Variants in CASQ2 observed in about 807,000 individuals in gnomAD.
CASQ2 encodes the protein calsequestrin 2, also known as calsequestrin-2.
A neutral mutation model predicts 46.5 loss-of-function variants in CASQ2; 49 were observed. The ratio of observed to expected loss-of-function variants is 1.05; its 90% CI spans 0.84 to 1.34. The LOEUF is 1.34. CASQ2 is among the 40% of genes most tolerant of loss of function. The pLI is 0.00. For missense variants in CASQ2, 486 were observed against 481.3 expected (o/e 1.01, Z -0.09); for synonymous variants, 174 against 168.5 (o/e 1.03, Z -0.25).
intron 8 of CASQ2, among the ~76,000 whole-genome samples, chr1:115,715,091 T>G (rs2101066113): frequency 6.6e-6 from 1 of 152,372 alleles, no homozygotes; most frequent in South Asian, 2.1e-4. Flanking sequence ...CTCTGGAGTC[T>G]GGCCAGCAGG....
chr1:115,729,667 A>G (rs943487680), intron 5 of CASQ2, among the ~76,000 whole-genome samples: 3 of 152,218 alleles, frequency 2.0e-5, no homozygotes, highest in African/African-American at 7.2e-5. Context: ...ATGTATATGA[A>G]TTTTGATACA....
intron 8 of CASQ2, among the ~76,000 whole-genome samples, chr1:115,705,511 C>T (rs925913787): frequency 1.3e-5 from 2 of 152,198 alleles, no homozygotes; most frequent in African/African-American, 4.8e-5. Flanking sequence ...TAAAAGTTCA[C>T]AGAGAACTGG....
chr1:115,739,487 G>T (rs1648109124), intron 3 of CASQ2, among the ~76,000 whole-genome samples: 1 of 152,226 alleles, frequency 6.6e-6, no homozygotes, highest in South Asian at 2.1e-4. Context: ...TCCCCTGCCA[G>T]TTATTGATTC....
At position 115,723,305 on chromosome 1, in the gene CASQ2, T is replaced by TTATCTATTTATCTATCTATC. The variant is rs1647455354; in HGVS notation, c.783+2202_783+2203insGATAGATAGATAAATAGATA. On this transcript the variant is annotated intron_variant, in intron 7 of 10. Transcript: ENST00000261448. Reference sequence around the variant, plus strand: ...TCTATATCTCTCTATATCTATCTATTTATCTATCTATCTATCTATCTATCT... The same window carrying TTATCTATTTATCTATCTATC: ...TCTATATCTCTCTATATCTATCTATTTATCTATTTATCTATCTATCTATCTATCTATCTATCTATCTATCT... Among the ~76,000 whole-genome samples, 3 of 148,866 alleles carry TTATCTATTTATCTATCTATC rather than the reference T, an allele frequency of 2.0e-5. No individual in the cohort carries two copies. In the South Asian group the frequency reaches 6.5e-4, roughly 32 times the overall value.
rs779306896 is a variant in CASQ2, at chr1:115,768,561, T to A, written c.-20A>T. On this transcript the variant is annotated 5_prime_UTR_variant, in exon 1 of 11. Coordinates refer to ENST00000261448, the MANE Select transcript of CASQ2 (RefSeq NM_001232.4). ...CTTCATTTGGGAAAACTTTTGTTTC[T>A]CGTTCCCAAATATGCTGTGTGCAGA... The A allele has an allele frequency of 1.0e-5, 16 of 1,525,696 alleles. No homozygotes were observed. Among genetic ancestry groups the A allele is most frequent in the Non-Finnish European group, 1.4e-5 (15 of 1,100,738 alleles). The allele number at this position is 1,525,696 out of a possible 1,614,324, so 94.5% of individuals were successfully genotyped here.
intron 5 of CASQ2, among the ~76,000 whole-genome samples, chr1:115,730,176 T>TA (rs1270747510): frequency 6.6e-6 from 1 of 152,202 alleles, no homozygotes; most frequent in African/African-American, 2.4e-5. Flanking sequence ...GCCACAACCC[T>TA]AAAAAATTAA....
In CASQ2 at chr1:115,725,540, G is replaced by A. The variant is rs781113955; in HGVS notation, c.751C>T (p.Arg251Cys). Residue 251 changes from arginine to cysteine, a missense_variant, in exon 7 of 11, where the codon CGC (arginine) becomes TGC (cysteine). Transcript: ENST00000261448. The part of the protein sequence containing the change: ...VKEHQRPTLR[R>C]LRPEEMFETW... Reference sequence around the variant, plus strand: ...TCAAACATTTCTTCTGGGCGCAGGCGACGTAGAGTGGGTCTGGAAAAAAAA... The same window carrying A: ...TCAAACATTTCTTCTGGGCGCAGGCAACGTAGAGTGGGTCTGGAAAAAAAA... The A allele has an allele frequency of 9.4e-6, 15 of 1,593,698 alleles. No homozygotes were observed. The African/African-American group carries it at 1.0e-4, about 11-fold the overall frequency.
intron 1 of CASQ2, among the ~76,000 whole-genome samples, chr1:115,751,328 A>G (rs1648571113): frequency 1.3e-5 from 2 of 152,194 alleles, no homozygotes; most frequent in East Asian, 1.9e-4. Flanking sequence ...GACACGTGTC[A>G]GCTCCAAGGG....
chr1:115,742,937 G>A lies in CASQ2; in HGVS notation c.319+1891C>T, dbSNP rs983672046. ...CCGAGTAGTGGGACTACAGGCACCC[G>A]CCACCATGCCCGGCTAATTTGTTTG... is the stretch of plus-strand genomic sequence containing the variant. On this transcript the variant is annotated intron_variant, in intron 2 of 10. Transcript: ENST00000261448. 9.9e-5 allele frequency among the ~76,000 whole-genome samples: 15 copies of A among 152,046 alleles called. No homozygotes were observed. The East Asian group carries it at 1.2e-3, about 12-fold the overall frequency.
chr1:115,722,229 T>C (rs1647403564), intron 7 of CASQ2, among the ~76,000 whole-genome samples: 1 of 152,212 alleles, frequency 6.6e-6, no homozygotes, highest in South Asian at 2.1e-4. Flanking sequence ...TTTCTCTGCC[T>C]GGTTAAATTC....
intron 1 of CASQ2, among the ~76,000 whole-genome samples, chr1:115,750,993 G>A (rs1325742315): frequency 6.7e-6 from 1 of 149,818 alleles, no homozygotes; most frequent in African/African-American, 2.4e-5. Context: ...CAGTTGTTAA[G>A]TGCACAGGGC....
chr1:115,731,167 A>C (rs3010396), intron 5 of CASQ2, among the ~76,000 whole-genome samples: 1 of 151,984 alleles, frequency 6.6e-6, no homozygotes, highest in Non-Finnish European at 1.5e-5. Context: ...GTCCTACAGA[A>C]TTTGAATAAA....
intron 8 of CASQ2, among the ~76,000 whole-genome samples, chr1:115,708,134 G>T (rs551554253): frequency 6.6e-6 from 1 of 152,300 alleles, no homozygotes; most frequent in Non-Finnish European, 1.5e-5. Flanking sequence ...ACTGAACTGT[G>T]CAAGAAAAAT....
chr1:115,756,882 G>A (rs1353449371), intron 1 of CASQ2, among the ~76,000 whole-genome samples: 2 of 152,204 alleles, frequency 1.3e-5, no homozygotes, highest in African/African-American at 2.4e-5. Context: ...GGGAGGCAGA[G>A]GTTGCAGTGA....
intron 1 of CASQ2, among the ~76,000 whole-genome samples, chr1:115,760,754 T>C (rs1648909110): frequency 6.6e-6 from 1 of 152,228 alleles, no homozygotes; most frequent in African/African-American, 2.4e-5. Flanking sequence ...GGTTCTAATA[T>C]GTGGCCAAAG....
chr1:115,767,707 T>A (rs1388558689), intron 1 of CASQ2, among the ~76,000 whole-genome samples: 1 of 152,206 alleles, frequency 6.6e-6, no homozygotes, highest in Non-Finnish European at 1.5e-5. Flanking sequence ...ACTTCAGCTC[T>A]GCCCTAAAGT....
chr1:115,767,815 A>G (rs1427406352), intron 1 of CASQ2, among the ~76,000 whole-genome samples: 1 of 152,206 alleles, frequency 6.6e-6, no homozygotes, highest in Non-Finnish European at 1.5e-5. Context: ...CTGACGCAAA[A>G]CAAGAGAGAG....
intron 7 of CASQ2, among the ~76,000 whole-genome samples, chr1:115,720,883 G>C (rs1647350836): frequency 6.6e-6 from 1 of 152,058 alleles, no homozygotes; most frequent in African/African-American, 2.4e-5. Context: ...ACTCAAAAAA[G>C]GAGTATGGCA....
chr1:115,761,016 G>A (rs566278516), intron 1 of CASQ2, among the ~76,000 whole-genome samples: 4 of 152,162 alleles, frequency 2.6e-5, no homozygotes, highest in African/African-American at 9.6e-5. Context: ...ATGGAGGTAG[G>A]AGCTAATGGT....
Sources: gnomAD v4.1 joint callset for allele counts (sites outside exome capture counted in the v4.1 genomes callset) on GRCh38, gnomAD v4.1.1 for gene constraint, MANE v1.5 for transcripts, NCBI Gene and HGNC (gene_info 2026-07-23, HGNC 2026-07-21) for gene names.